The following LAMA3 variants were observed in gnomAD, a reference collection of about 807,000 sequenced individuals.
LAMA3 encodes the protein laminin subunit alpha 3, also known as laminin subunit alpha-3.
In LAMA3, 281 loss-of-function variants were observed where a neutral mutation model predicts 402.0. The observed-to-expected ratio is 0.70, with a 90% CI of 0.63 to 0.77. The LOEUF (loss-of-function observed/expected upper bound fraction) is 0.77, where lower values mean the gene tolerates loss of function less well. Ranked by LOEUF, LAMA3 falls within the 30% of genes least tolerant of loss-of-function variation. The pLI is 0.00. For missense variants in LAMA3, 3,840 were observed against 4,215.5 expected (o/e 0.91, Z 2.47); for synonymous variants, 1,431 against 1,558.4 (o/e 0.92, Z 1.93).
intron 32 of LAMA3, among the ~76,000 whole-genome samples, chr18:23,850,386 C>T (rs1672740025): frequency 6.6e-6 from 1 of 152,198 alleles, no homozygotes. Flanking sequence ...GTTTTAGAGG[C>T]AATAAGTTGG....
In LAMA3 at chr18:23,895,057, G is replaced by C. The variant is rs1191120773; in HGVS notation, c.5612G>C (p.Arg1871Thr). 6.3e-7 allele frequency: 1 copy of C among 1,597,400 alleles called. No individual in the cohort carries two copies. Among genetic ancestry groups the C allele is most frequent in the East Asian group, 2.3e-5 (1 of 44,056 alleles). The change falls in exon 44 of 75, where the codon AGG becomes ACG. Residue 1871 changes from arginine to threonine, a missense_variant and splice_region_variant. Around this residue, in one of 3 missense-constraint regions of LAMA3, gnomAD observed 891 missense variants for 857.5 expected, o/e 1.04. Transcript: ENST00000313654. ...RHMETQAKDLRNQLLNYRSAI... is the reference protein window; with the variant it reads ...RHMETQAKDLTNQLLNYRSAI... ...ATGGAGACCCAGGCCAAGGACCTGA[G>C]GGTAAATCCCCTGCGGCCGAGAGTA...
At chr18:23,723,341 A>G (rs1275341941) in intron 2 of LAMA3, among the ~76,000 whole-genome samples, 2 of 152,248 alleles carry the variant, frequency 1.3e-5, no homozygotes, top group Non-Finnish European at 2.9e-5. Flanking sequence ...CTCATGTCCA[A>G]TAAAAGGGGA....
At chr18:23,713,120 T>C (rs1248926968) in intron 1 of LAMA3, among the ~76,000 whole-genome samples, 2 of 152,088 alleles carry the variant, frequency 1.3e-5, no homozygotes, top group Non-Finnish European at 2.9e-5. Context: ...ACCAAACAGA[T>C]TATCACCACA....
At chr18:23,947,952 C>T (rs1052678986) in intron 70 of LAMA3, among the ~76,000 whole-genome samples, 1 of 152,022 alleles carries the variant, frequency 6.6e-6, no homozygotes, top group African/African-American at 2.4e-5. Context: ...GCTGGGACTA[C>T]AGGCGCCTGC....
In LAMA3 at chr18:23,836,294, C is replaced by A. The variant is rs892133908; in HGVS notation, c.2985-687C>A. On this transcript the variant is annotated intron_variant, in intron 24 of 74. Transcript: ENST00000313654. ...TTTCAAATATTTCTCAGAAATAGTCCTTTTGTTTTAATATAACAGTAGTTT... is the reference window on the plus strand; with the variant it reads ...TTTCAAATATTTCTCAGAAATAGTCATTTTGTTTTAATATAACAGTAGTTT... Among the ~76,000 whole-genome samples the A allele has an allele frequency of 2.0e-5, 3 of 152,246 alleles. No individual in the cohort carries two copies. The South Asian group carries it at 6.2e-4, about 32-fold the overall frequency.
chr18:23,722,762 C>T (rs9946092), intron 2 of LAMA3, among the ~76,000 whole-genome samples: 13 of 152,162 alleles, frequency 8.5e-5, no homozygotes, highest in African/African-American at 3.1e-4. Context: ...AATGTTCTCT[C>T]AGTCTATACA....
intron 41 of LAMA3, 95 bp downstream of exon 41, chr18:23,884,948 C>T (rs2065022738): frequency 4.5e-6 from 4 of 880,698 alleles, no homozygotes; most frequent in Non-Finnish European, 7.0e-6. Context: ...AGGGGTGGGG[C>T]TGGGAGTTTG....
At chr18:23,737,627 C>T (rs369018843) in intron 2 of LAMA3, among the ~76,000 whole-genome samples, 1 of 152,206 alleles carries the variant, frequency 6.6e-6, no homozygotes, top group African/African-American at 2.4e-5. Context: ...TCCTGTTTTA[C>T]GCCAAGTAAG....
intron 62 of LAMA3, among the ~76,000 whole-genome samples, chr18:23,923,509 G>C (rs1015089814): frequency 6.6e-6 from 1 of 152,216 alleles, no homozygotes; most frequent in Non-Finnish European, 1.5e-5. Flanking sequence ...AATGATGCCT[G>C]GTTTTTGGCT....
chr18:23,777,517 T>C (rs879501699), intron 10 of LAMA3, 40 bp from the exon 11 acceptor site: 5 of 1,353,464 alleles, frequency 3.7e-6, no homozygotes, highest in African/African-American at 1.4e-5. Flanking sequence ...TACTATCTCC[T>C]TAATCATCCT....
intron 23 of LAMA3, among the ~76,000 whole-genome samples, chr18:23,829,731 G>C (rs994582948): frequency 6.6e-6 from 1 of 152,122 alleles, no homozygotes; most frequent in African/African-American, 2.4e-5. Flanking sequence ...CACCCAAATA[G>C]TGAACATTGT....
intron 66 of LAMA3, among the ~76,000 whole-genome samples, chr18:23,933,261 C>G (rs1030937692): frequency 2.0e-5 from 3 of 152,192 alleles, no homozygotes; most frequent in Admixed American, 6.5e-5. Flanking sequence ...TCCCGGCCCT[C>G]CCACAATTCT....
chr18:23,825,727 G>A (rs772289278), intron 21 of LAMA3, among the ~76,000 whole-genome samples: 3 of 152,140 alleles, frequency 2.0e-5, no homozygotes, highest in Admixed American at 6.5e-5. Context: ...TACTAGTAAC[G>A]GGTACAAAGT....
Position 23,753,823 on chromosome 18 carries a change from T to C in LAMA3, c.947+11T>C, listed in dbSNP as rs2061795000. ...CAATCCTGAAAAACTGTAAGTACAC[T>C]GTACAGATTTTTTTCAGCCTTACTA... On this transcript the variant is annotated intron_variant, in intron 6 of 74. Coordinates refer to ENST00000313654, the MANE Select transcript of LAMA3 (RefSeq NM_198129.4). 1.3e-6 allele frequency: 2 copies of C among 1,584,328 alleles called. No homozygotes were observed. Among genetic ancestry groups the C allele is most frequent in the Non-Finnish European group, 1.7e-6 (2 of 1,152,930 alleles).
In LAMA3 at chr18:23,726,630, T is replaced by G. The variant is rs8091216; in HGVS notation, c.447+12558T>G. ...TTTATTTATTTTTATTTATTTTTTA[T>G]TTTTTTGAGACAGGATTTTGCTCTG... is the stretch of plus-strand genomic sequence containing the variant. On this transcript the variant is annotated intron_variant, in intron 2 of 74. Transcript: ENST00000313654. 2.1e-3 allele frequency among the ~76,000 whole-genome samples: 313 copies of G among 152,274 alleles called. 2 individuals are homozygous for G. Among genetic ancestry groups the G allele is most frequent in the African/African-American group, 7.0e-3 (289 of 41,542 alleles).
chr18:23,729,163 TAGAG>T (rs968095212), intron 2 of LAMA3, among the ~76,000 whole-genome samples: 6 of 148,480 alleles, frequency 4.0e-5, no homozygotes, highest in African/African-American at 7.4e-5. Flanking sequence ...TTTGTGTGTG[TAGAG>T]AGAGAGAGAG....
chr18:23,811,154 G>A (rs2063061492), intron 13 of LAMA3, among the ~76,000 whole-genome samples: 1 of 152,150 alleles, frequency 6.6e-6, no homozygotes, highest in Non-Finnish European at 1.5e-5. Context: ...CTGTTGATAT[G>A]AGAGATTAAG....
chr18:23,840,758 T>G (rs1344655847), intron 27 of LAMA3, among the ~76,000 whole-genome samples: 1 of 152,200 alleles, frequency 6.6e-6, no homozygotes, highest in Admixed American at 6.5e-5. Context: ...TTTAAAGTTC[T>G]GCATTATAAA....
At chr18:23,894,759 C>G (rs2080814899) in intron 43 of LAMA3, 148 bp from the exon 44 acceptor site, 4 of 934,172 alleles carry the variant, frequency 4.3e-6, no homozygotes, top group Non-Finnish European at 6.7e-6. Context: ...TTTTCAGAAT[C>G]CACATCCATC....
Sources: gnomAD v4.1 joint callset for allele counts (sites outside exome capture counted in the v4.1 genomes callset) on GRCh38, gnomAD v4.1.1 for gene constraint, gnomAD v4.1.1 regional missense constraint, MANE v1.5 for transcripts, NCBI Gene and HGNC (gene_info 2026-07-23, HGNC 2026-07-21) for gene names.